Variants in SPAG16 observed in about 807,000 individuals in gnomAD.
The protein encoded by SPAG16 is sperm-associated antigen 16 protein.
In SPAG16, 86 loss-of-function variants were observed where a neutral mutation model predicts 80.4. That is an observed-to-expected ratio of 1.07 (90% CI 0.90 to 1.28). SPAG16 has a LOEUF of 1.28. Among genes scored for constraint, SPAG16 ranks in the 50% most tolerant of loss-of-function variants. SPAG16 has a pLI of 0.00. For synonymous variants in SPAG16, 294 were observed against 265.9 expected, an observed-to-expected ratio of 1.11 and a Z score of -1.03; for missense variants, 870 against 765.3, an observed-to-expected ratio of 1.14 and a Z score of -1.61.
chr2:213,388,628 G>GA (rs1180510639), intron 9 of SPAG16, among the ~76,000 whole-genome samples: 1 of 152,152 alleles, frequency 6.6e-6, no homozygotes, highest in Non-Finnish European at 1.5e-5. Context: ...CCTGGGGAAG[G>GA]AGGAGAATCT....
At chr2:214,227,867 T>G (rs1227068532) in intron 15 of SPAG16, among the ~76,000 whole-genome samples, 1 of 151,906 alleles carries the variant, frequency 6.6e-6, no homozygotes, top group African/African-American at 2.4e-5. Context: ...GATGGAAGTC[T>G]GAAAAATTCC....
intron 15 of SPAG16, among the ~76,000 whole-genome samples, chr2:214,297,780 C>T (rs955192973): frequency 2.0e-5 from 3 of 148,544 alleles, no homozygotes; most frequent in African/African-American, 4.9e-5. Flanking sequence ...GTGATGCCTC[C>T]AGCTTTGTTC....
At chr2:214,201,920 A>T (rs2058020178) in intron 15 of SPAG16, among the ~76,000 whole-genome samples, 1 of 151,996 alleles carries the variant, frequency 6.6e-6, no homozygotes, top group Non-Finnish European at 1.5e-5. Context: ...ATCACAACTC[A>T]CTGCAGCCTC....
intron 3 of SPAG16, among the ~76,000 whole-genome samples, chr2:213,301,870 T>C (rs145023185): frequency 6.6e-6 from 1 of 152,300 alleles, no homozygotes; most frequent in Non-Finnish European, 1.5e-5. Context: ...TCAGATGTTT[T>C]CTTGCCTTGA....
intron 15 of SPAG16, among the ~76,000 whole-genome samples, chr2:214,199,612 G>T (rs1254499112): frequency 6.6e-6 from 1 of 152,000 alleles, no homozygotes; most frequent in Non-Finnish European, 1.5e-5. Context: ...TGAATTTTAG[G>T]ATTGTTTATT....
chr2:213,574,519 G>C (rs2060046577), intron 10 of SPAG16, among the ~76,000 whole-genome samples: 1 of 151,878 alleles, frequency 6.6e-6, no homozygotes, highest in African/African-American at 2.4e-5. Flanking sequence ...ATTGTGAAAT[G>C]AGCACCTTCT....
At chr2:213,901,596 C>G (rs763082957) in intron 11 of SPAG16, among the ~76,000 whole-genome samples, 4 of 151,940 alleles carry the variant, frequency 2.6e-5, no homozygotes, top group Non-Finnish European at 4.4e-5. Flanking sequence ...TTCTAATTCT[C>G]AATATTTAGT....
intron 13 of SPAG16, among the ~76,000 whole-genome samples, chr2:214,064,229 G>C (rs924520636): frequency 6.6e-6 from 1 of 152,226 alleles, no homozygotes; most frequent in Middle Eastern, 3.4e-3. Context: ...AATTGCGTCT[G>C]TCTAGAGAGT....
intron 10 of SPAG16, among the ~76,000 whole-genome samples, chr2:213,702,609 C>G (rs1015480071): frequency 3.3e-5 from 5 of 152,120 alleles, no homozygotes; most frequent in Admixed American, 2.0e-4. Context: ...TTTGTATAGT[C>G]TTTTTAATTT....
intron 15 of SPAG16, among the ~76,000 whole-genome samples, chr2:214,275,664 G>A (rs1202077467): frequency 1.3e-5 from 2 of 152,180 alleles, no homozygotes; most frequent in Non-Finnish European, 2.9e-5. Context: ...GAGACAGTTT[G>A]TTGTGATTTC....
chr2:213,713,404 A>G (rs1263463752), intron 10 of SPAG16, among the ~76,000 whole-genome samples: 1 of 152,166 alleles, frequency 6.6e-6, no homozygotes, highest in South Asian at 2.1e-4. Context: ...AACCACAGCA[A>G]AAGGAGGCTG....
intron 10 of SPAG16, among the ~76,000 whole-genome samples, chr2:213,644,081 C>T (rs2062729760): frequency 6.6e-6 from 1 of 151,016 alleles, no homozygotes; most frequent in Non-Finnish European, 1.5e-5. Flanking sequence ...ACGCCCGGCC[C>T]AAGCTCACGA....
At chr2:213,797,695 T>A (rs1279780114) in intron 10 of SPAG16, among the ~76,000 whole-genome samples, 2 of 152,254 alleles carry the variant, frequency 1.3e-5, no homozygotes, top group Non-Finnish European at 2.9e-5. Flanking sequence ...AATGGCTGTG[T>A]ACCACATTTT....
chr2:214,342,399 T>G (rs1479201961), intron 15 of SPAG16, among the ~76,000 whole-genome samples: 1 of 152,150 alleles, frequency 6.6e-6, no homozygotes, highest in Non-Finnish European at 1.5e-5. Context: ...GTGCCTGAGT[T>G]CTGCCTCCTG....
At chr2:213,322,333 G>GCAAAA (rs2063652841) in intron 5 of SPAG16, among the ~76,000 whole-genome samples, 1 of 17,416 alleles carries the variant, frequency 5.7e-5, no homozygotes, top group African/African-American at 2.1e-4. Flanking sequence ...TGTAGACAAT[G>GCAAAA]CAAAAAAAAA....
At chr2:213,315,972 T>C (rs1478421194) in intron 4 of SPAG16, among the ~76,000 whole-genome samples, 3 of 151,986 alleles carry the variant, frequency 2.0e-5, no homozygotes, top group Middle Eastern at 3.2e-3. Flanking sequence ...TTTCTTTCTT[T>C]ACTTTCATTT....
At chr2:213,945,918 A>G (rs192705509) in intron 12 of SPAG16, among the ~76,000 whole-genome samples, 1 of 152,176 alleles carries the variant, frequency 6.6e-6, no homozygotes, top group Admixed American at 6.5e-5. Flanking sequence ...CGAACAATAC[A>G]CCTTCTTTTT....
At chr2:213,967,505 A>AT (rs2044766502) in intron 12 of SPAG16, among the ~76,000 whole-genome samples, 1 of 152,184 alleles carries the variant, frequency 6.6e-6, no homozygotes, top group South Asian at 2.1e-4. Flanking sequence ...ATATACAGCT[A>AT]ATTGGAGAAA....
At chr2:214,216,269 G>A (rs894530968) in intron 15 of SPAG16, among the ~76,000 whole-genome samples, 1 of 152,104 alleles carries the variant, frequency 6.6e-6, no homozygotes, top group African/African-American at 2.4e-5. Context: ...TAGAATTTGG[G>A]AGACATTTGG....
Sources: allele counts gnomAD v4.1 joint callset (sites outside exome capture counted in the v4.1 genomes callset), GRCh38; gene constraint gnomAD v4.1.1; transcripts MANE v1.5; gene names NCBI Gene and HGNC (gene_info 2026-07-23, HGNC 2026-07-21).